DPYD: variants seen among roughly 807,000 people sequenced by gnomAD.
The protein encoded by DPYD is dihydropyrimidine dehydrogenase [NADP(+)].
DPYD carries 109 observed loss-of-function variants against 116.2 expected under a neutral mutation model. The ratio of observed to expected loss-of-function variants is 0.94; its 90% CI spans 0.80 to 1.10. DPYD has a LOEUF of 1.10. Ranked by LOEUF, DPYD falls within the 50% of genes least tolerant of loss-of-function variation. DPYD has a pLI of 0.00. For missense variants in DPYD, 1,302 were observed against 1,254.5 expected, an observed-to-expected ratio of 1.04 and a Z score of -0.57; for synonymous variants, 440 against 432.0, an observed-to-expected ratio of 1.02 and a Z score of -0.23.
chr1:97,725,759 T>C (rs1477018634), intron 4 of DPYD, among the ~76,000 whole-genome samples: 2 of 151,584 alleles, frequency 1.3e-5, no homozygotes, highest in Non-Finnish European at 3.0e-5. Flanking sequence ...AAGAATGAAG[T>C]TTGACCCTAT....
At chr1:97,457,917 C>CT (rs1676781226) in intron 13 of DPYD, among the ~76,000 whole-genome samples, 2 of 152,078 alleles carry the variant, frequency 1.3e-5, no homozygotes, top group African/African-American at 2.4e-5. Flanking sequence ...AGATGAAGGG[C>CT]TTTTTTAGTG....
chr1:97,222,622 G>T (rs1308353619), intron 19 of DPYD, among the ~76,000 whole-genome samples: 1 of 152,048 alleles, frequency 6.6e-6, no homozygotes, highest in East Asian at 1.9e-4. Context: ...TTAAAATAAT[G>T]TGATAACTGA....
intron 3 of DPYD, among the ~76,000 whole-genome samples, chr1:97,791,336 T>C (rs898770123): frequency 4.6e-5 from 7 of 152,130 alleles, no homozygotes; most frequent in Non-Finnish European, 2.9e-5. Flanking sequence ...ACTACTAGAC[T>C]CACAATATGA....
At chr1:97,398,527 C>T (rs1042931060) in intron 14 of DPYD, among the ~76,000 whole-genome samples, 1 of 149,874 alleles carries the variant, frequency 6.7e-6, no homozygotes, top group Non-Finnish European at 1.5e-5. Flanking sequence ...ACCACACTGA[C>T]TTCACAATGG....
chr1:97,548,617 G>C (rs1399859684), intron 12 of DPYD, among the ~76,000 whole-genome samples: 1 of 152,092 alleles, frequency 6.6e-6, no homozygotes, highest in East Asian at 1.9e-4. Flanking sequence ...TGAACCTATA[G>C]TCCCAGCTAC....
At chr1:97,304,151 T>C (rs551758906) in intron 18 of DPYD, among the ~76,000 whole-genome samples, 1 of 152,134 alleles carries the variant, frequency 6.6e-6, no homozygotes, top group Admixed American at 6.6e-5. Flanking sequence ...GCTGTCAACA[T>C]GGCAGGCTGG....
chr1:97,663,957 T>A (rs1659409922), intron 8 of DPYD, among the ~76,000 whole-genome samples: 1 of 152,196 alleles, frequency 6.6e-6, no homozygotes. Flanking sequence ...TTGGATGCTC[T>A]TATATTGTGT....
rs12069330 is a variant in DPYD, at chr1:97,370,582, A to T, written c.2058+2979T>A. 7.9e-3 allele frequency among the ~76,000 whole-genome samples: 1,208 copies of T among 151,950 alleles called. 17 individuals carry two copies. The highest frequency in any genetic ancestry group is 0.028 in the African/African-American group (1,148 of 41,430). ...TCATGTATCCCAGAACTTAAAGCAA[A>T]TTTTTTTTTAAAAAGAGCAACACAA... is the stretch of plus-strand genomic sequence containing the variant. On this transcript the variant is annotated intron_variant, in intron 16 of 22. Coordinates refer to ENST00000370192, the MANE Select transcript of DPYD (RefSeq NM_000110.4).
intron 20 of DPYD, among the ~76,000 whole-genome samples, chr1:97,100,083 T>C (rs554598577): frequency 6.6e-6 from 1 of 152,180 alleles, no homozygotes; most frequent in Admixed American, 6.6e-5. Flanking sequence ...ATTTGTAATA[T>C]TTAATTGTTG....
At chr1:97,824,501 T>C (rs1669128091) in intron 3 of DPYD, among the ~76,000 whole-genome samples, 1 of 152,166 alleles carries the variant, frequency 6.6e-6, no homozygotes. Context: ...AAATTAAACA[T>C]TCGGTTCTTC....
chr1:97,357,579 G>T (rs1670489340), intron 16 of DPYD, among the ~76,000 whole-genome samples: 1 of 152,022 alleles, frequency 6.6e-6, no homozygotes, highest in South Asian at 2.1e-4. Context: ...ATGCAGTTTT[G>T]TTACATGGAT....
At chr1:97,627,579 C>T (rs1657006057) in intron 8 of DPYD, among the ~76,000 whole-genome samples, 1 of 152,010 alleles carries the variant, frequency 6.6e-6, no homozygotes, top group South Asian at 2.1e-4. Flanking sequence ...TAACAAAGAA[C>T]AAGACACTGT....
At chr1:97,111,318 A>G (rs1309627383) in intron 20 of DPYD, among the ~76,000 whole-genome samples, 1 of 152,088 alleles carries the variant, frequency 6.6e-6, no homozygotes, top group South Asian at 2.1e-4. Context: ...TGCTCTTAGA[A>G]TAAAATTGGA....
At chr1:97,368,548 G>A (rs533113113) in intron 16 of DPYD, among the ~76,000 whole-genome samples, 1 of 152,216 alleles carries the variant, frequency 6.6e-6, no homozygotes, top group East Asian at 1.9e-4. Context: ...GGAAGGCAAG[G>A]CCTCTTACCA....
chr1:97,510,775 A>G (rs1647731669), intron 13 of DPYD, among the ~76,000 whole-genome samples: 1 of 152,034 alleles, frequency 6.6e-6, no homozygotes, highest in Non-Finnish European at 1.5e-5. Flanking sequence ...TGAATAAAAT[A>G]CGGAAGTAAC....
At chr1:97,555,889 T>C (rs1651667051) in intron 11 of DPYD, among the ~76,000 whole-genome samples, 2 of 152,056 alleles carry the variant, frequency 1.3e-5, no homozygotes, top group African/African-American at 2.4e-5. Context: ...AAATTAGAGG[T>C]TTCCCATATG....
chr1:97,602,362 T>C (rs149139344), intron 8 of DPYD, among the ~76,000 whole-genome samples: 232 of 152,132 alleles, frequency 1.5e-3, no homozygotes, highest in African/African-American at 5.4e-3. Flanking sequence ...TTAGAACTTA[T>C]ATCAGACTTC....
chr1:97,763,923 G>A (rs1055996016), intron 3 of DPYD, among the ~76,000 whole-genome samples: 2 of 151,872 alleles, frequency 1.3e-5, no homozygotes, highest in African/African-American at 2.4e-5. Context: ...AAGGATTTTC[G>A]TTTTCTTCCA....
chr1:97,511,875 T>C (rs1032534799), intron 13 of DPYD, among the ~76,000 whole-genome samples: 2 of 151,932 alleles, frequency 1.3e-5, no homozygotes, highest in Non-Finnish European at 2.9e-5. Context: ...TAAAGGCTTA[T>C]ACAACAATCT....
Sources: gnomAD v4.1 joint callset for allele counts (sites outside exome capture counted in the v4.1 genomes callset) on GRCh38, gnomAD v4.1.1 for gene constraint, MANE v1.5 for transcripts, NCBI Gene and HGNC (gene_info 2026-07-23, HGNC 2026-07-21) for gene names.